The following OGFRL1 variants were observed in gnomAD, a reference collection of about 807,000 sequenced individuals.
The protein encoded by OGFRL1 is opioid growth factor receptor-like protein 1.
In OGFRL1, 26 loss-of-function variants were observed where a neutral mutation model predicts 32.4. The ratio of observed to expected loss-of-function variants is 0.80; its 90% CI spans 0.59 to 1.11. The LOEUF is 1.11. OGFRL1 is among the 50% of genes most tolerant of loss of function. The pLI is 0.00. For synonymous variants in OGFRL1, 211 were observed against 201.2 expected (o/e 1.05, Z -0.41); for missense variants, 521 against 546.4 (o/e 0.95, Z 0.46).
chr6:71,292,933 T>C (rs1484925549), intron 1 of OGFRL1, among the ~76,000 whole-genome samples: 4 of 152,234 alleles, frequency 2.6e-5, no homozygotes, highest in African/African-American at 9.6e-5. Flanking sequence ...AAATAAGTTT[T>C]ATCATAGAAT....
chr6:71,300,407 TAGAG>T (rs1766342946), intron 6 of OGFRL1, among the ~76,000 whole-genome samples: 1 of 152,092 alleles, frequency 6.6e-6, no homozygotes, highest in Non-Finnish European at 1.5e-5. Flanking sequence ...AGTTTTGTGA[TAGAG>T]AGGAAAGATG....
intron 1 of OGFRL1, among the ~76,000 whole-genome samples, chr6:71,292,746 T>C (rs1429780773): frequency 6.6e-6 from 1 of 152,214 alleles, no homozygotes; most frequent in African/African-American, 2.4e-5. Context: ...CTTTGTGTAC[T>C]TGTCATGGTA....
At chr6:71,289,894 C>A in intron 1 of OGFRL1, 2 of 881,994 alleles carry the variant, frequency 2.3e-6, no homozygotes, top group Non-Finnish European at 2.7e-6. Flanking sequence ...TGTAGCCGAC[C>A]CCCTGAAGAA....
intron 6 of OGFRL1, among the ~76,000 whole-genome samples, chr6:71,300,431 T>C (rs1766343677): frequency 6.6e-6 from 1 of 152,240 alleles, no homozygotes; most frequent in East Asian, 1.9e-4. Flanking sequence ...GTTAGTGTAA[T>C]CTGGGGGAAA....
At chr6:71,296,930 A>C (rs1030541450) in intron 6 of OGFRL1, 113 bp downstream of exon 6, 2 of 1,231,598 alleles carry the variant, frequency 1.6e-6, no homozygotes, top group African/African-American at 3.1e-5. Flanking sequence ...AGGAATTTGG[A>C]TTAAAAAGCT....
In OGFRL1 at chr6:71,304,978, G is replaced by A. The variant is rs972636836; in HGVS notation, c.*2929G>A. ...AAGATCTATAGATATGTATTTATGT[G>A]TGTCTTATATATGAAACAGTGCTCT... On this transcript the variant is annotated 3_prime_UTR_variant, in exon 7 of 7. Transcript: ENST00000370435. The A allele has an allele frequency of 1.3e-5, 2 of 151,890 alleles. No individual in the cohort carries two copies. Among genetic ancestry groups the A allele is most frequent in the Admixed American group, 6.6e-5 (1 of 15,252 alleles). 9.4% of individuals were successfully genotyped at this position (151,890 alleles called of 1,614,324 possible). A position where few individuals can be genotyped will look rare whatever the true frequency, so the allele number is the denominator to read the frequency against.
In OGFRL1 at chr6:71,304,197, A is replaced by G. The variant is rs1414705247; in HGVS notation, c.*2148A>G. 6.6e-6 allele frequency: 1 copy of G among 152,154 alleles called. No homozygotes were observed. The highest frequency in any genetic ancestry group is 1.5e-5 in the Non-Finnish European group (1 of 68,000). The allele number at this position is 152,154 out of a possible 1,614,324, so 9.4% of individuals were successfully genotyped here. A position where few individuals can be genotyped will look rare whatever the true frequency, so the allele number is the denominator to read the frequency against. The stretch of plus-strand genomic sequence containing the variant: ...GCACTTTTGTTGTACATTGTGTTCC[A>G]ATAAGTATAGTATGGAACACTTTCT... On this transcript the variant is annotated 3_prime_UTR_variant, in exon 7 of 7. Transcript: ENST00000370435.
rs1039207130 is a variant in OGFRL1 at position 71,305,776 on chromosome 6, G to T, written c.*3727G>T. 1.3e-5 allele frequency: 2 copies of T among 152,088 alleles called. No homozygotes were observed. Among genetic ancestry groups the T allele is most frequent in the Non-Finnish European group, 2.9e-5 (2 of 67,970 alleles). The allele number at this position is 152,088 out of a possible 1,614,324, so 9.4% of individuals were successfully genotyped here. ...ACAGTACAGTATTACATCTGAGTTA[G>T]TCTTTGAAAAATCATAGTAGTAAAT... is the stretch of plus-strand genomic sequence containing the variant. On this transcript the variant is annotated 3_prime_UTR_variant, in exon 7 of 7. Transcript: ENST00000370435.
rs1582551502 is a variant in OGFRL1, at chr6:71,293,614, G to A, written c.400+3G>A. On this transcript the variant is annotated splice_donor_region_variant and intron_variant, in intron 3 of 6. Coordinates refer to ENST00000370435, the MANE Select transcript of OGFRL1 (RefSeq NM_024576.5). Reference sequence around the variant, plus strand: ...TAAAATTCCATTCAAGCCAGATGGTGAGTAACGTACTACTTGATAAATTGC... The same window carrying A: ...TAAAATTCCATTCAAGCCAGATGGTAAGTAACGTACTACTTGATAAATTGC... The A allele has an allele frequency of 6.3e-7, 1 of 1,579,898 alleles. No homozygotes were observed.
intron 3 of OGFRL1, chr6:71,295,134 C>G (rs1766165082): frequency 6.6e-6 from 1 of 151,980 alleles, no homozygotes. Context: ...TATACACACA[C>G]ACGCACACAC....
intron 1 of OGFRL1, chr6:71,289,885 G>C: frequency 2.2e-6 from 2 of 914,128 alleles, no homozygotes; most frequent in Non-Finnish European, 2.6e-6. Flanking sequence ...GAGGAAATAT[G>C]TAGCCGACCC....
In OGFRL1 at chr6:71,306,128, C is replaced by G. The variant is rs761894048; in HGVS notation, c.*4079C>G. On this transcript the variant is annotated 3_prime_UTR_variant, in exon 7 of 7. Coordinates refer to ENST00000370435, the MANE Select transcript of OGFRL1 (RefSeq NM_024576.5). ...TGTTTTCCACTTAGGAAATTCCCCT[C>G]TCTCATTTGGGGTATATGCGTTGAG... is the stretch of plus-strand genomic sequence containing the variant. 2.0e-5 allele frequency: 3 copies of G among 152,156 alleles called. No homozygotes were observed. The highest frequency in any genetic ancestry group is 4.8e-5 in the African/African-American group (2 of 41,426). 9.4% of individuals were successfully genotyped at this position (152,156 alleles called of 1,614,324 possible).
intron 6 of OGFRL1, among the ~76,000 whole-genome samples, chr6:71,298,155 T>C (rs935894432): frequency 6.6e-6 from 1 of 152,040 alleles, no homozygotes; most frequent in Non-Finnish European, 1.5e-5. Flanking sequence ...AGCTTTATAT[T>C]CCTGACTAGA....
rs757333271 is a variant in OGFRL1 at position 71,288,908 on chromosome 6, G to T, written c.-29G>T. 8 of 1,293,220 alleles carry T rather than the reference G, an allele frequency of 6.2e-6. No individual in the cohort carries two copies. In the South Asian group the frequency reaches 1.2e-4, roughly 19 times the overall value. 80.1% of individuals were successfully genotyped at this position (1,293,220 alleles called of 1,614,324 possible). Reference sequence around the variant, plus strand: ...GCCGCAGCTTGCGCCCCGCAGCCCCGCAGCCCCGCGCCCGCCGCCGCCTCT... The same window carrying T: ...GCCGCAGCTTGCGCCCCGCAGCCCCTCAGCCCCGCGCCCGCCGCCGCCTCT... On this transcript the variant is annotated 5_prime_UTR_variant, in exon 1 of 7. Transcript: ENST00000370435.
chr6:71,296,628 GCTAC>G, intron 5 of OGFRL1, 40 bp from the exon 6 acceptor site: 1 of 1,608,056 alleles, frequency 6.2e-7, no homozygotes, highest in Non-Finnish European at 8.5e-7. Context: ...TGTCCTTGTA[GCTAC>G]TGAATCATTT....
At chr6:71,296,241 C>A in intron 3 of OGFRL1, 76 bp from the exon 4 acceptor site, 1 of 988,440 alleles carries the variant, frequency 1.0e-6, no homozygotes, top group Non-Finnish European at 1.6e-6. Context: ...TCATATAAAA[C>A]TCAAGTGATT....
intron 2 of OGFRL1, 44 bp from the exon 3 acceptor site, chr6:71,293,489 G>A: frequency 6.4e-7 from 1 of 1,574,158 alleles, no homozygotes; most frequent in Admixed American, 1.7e-5. Context: ...TATCTTTACT[G>A]TATTTCTATG....
rs77282567 is a variant in OGFRL1 at position 71,307,885 on chromosome 6, A to G, written c.*5836A>G. On this transcript the variant is annotated 3_prime_UTR_variant, in exon 7 of 7. Coordinates refer to ENST00000370435, the MANE Select transcript of OGFRL1 (RefSeq NM_024576.5). ...AACAGGAAACTCACCACAGAAATAA[A>G]GACATAACCCTTGATAAGTTTGTGT... 312 of 152,360 alleles carry G rather than the reference A, an allele frequency of 2.0e-3. No individual in the cohort carries two copies. Among genetic ancestry groups the G allele is most frequent in the African/African-American group, 7.4e-3 (307 of 41,594 alleles). 9.4% of individuals were successfully genotyped at this position (152,360 alleles called of 1,614,324 possible). A position where few individuals can be genotyped will look rare whatever the true frequency, so the allele number is the denominator to read the frequency against.
At chr6:71,296,231 T>C in intron 3 of OGFRL1, 86 bp from the exon 4 acceptor site, 2 of 869,796 alleles carry the variant, frequency 2.3e-6, no homozygotes, top group Non-Finnish European at 3.7e-6. Context: ...AAACAAGTTT[T>C]CATATAAAAC....
Sources: allele counts gnomAD v4.1 joint callset (sites outside exome capture counted in the v4.1 genomes callset), GRCh38; gene constraint gnomAD v4.1.1; transcripts MANE v1.5; gene names NCBI Gene and HGNC (gene_info 2026-07-23, HGNC 2026-07-21).